EVC2: variants seen among roughly 807,000 people sequenced by gnomAD.
EVC2 encodes the protein limbin.
A neutral mutation model predicts 149.3 loss-of-function variants in EVC2; 148 were observed. The observed-to-expected ratio is 0.99, with a 90% CI of 0.87 to 1.14. The LOEUF is 1.14. Among genes scored for constraint, EVC2 ranks in the 50% most tolerant of loss-of-function variants. The pLI, the probability that EVC2 is intolerant of heterozygous loss-of-function variation, is 0.00. For synonymous variants in EVC2, 776 were observed against 649.9 expected, an observed-to-expected ratio of 1.19 and a Z score of -2.95; for missense variants, 1,854 against 1,627.3, an observed-to-expected ratio of 1.14 and a Z score of -2.40.
At chr4:5,628,820 CT>C in intron 11 of EVC2, 86 bp from the exon 12 acceptor site, 1 of 1,358,568 alleles carries the variant, frequency 7.4e-7, no homozygotes. Context: ...ATTATTTTTC[CT>C]TTTATAAGAA....
chr4:5,640,585 C>G lies in EVC2; in HGVS notation c.1399G>C (p.Glu467Gln). 6.2e-7 allele frequency: 1 copy of G among 1,614,140 alleles called. No homozygotes were observed. The highest frequency in any genetic ancestry group is 2.2e-5 in the East Asian group (1 of 44,872). ...ATCATCTCTCTCTGGTACTGGTTTT[C>G]CATCTTCTTTCTTGTTTCCAGGTCA... ...ECDLETRKKM[E>Q]NQYQREMMAM... Residue 467 changes from glutamate to glutamine, a missense_variant, in exon 10 of 22, where the codon GAA becomes CAA. By Grantham distance (29) the Glu-to-Gln change is conservative (BLOSUM62 2). Transcript: ENST00000344408. The surrounding 1 kb of genome is among the most constrained non-coding windows in gnomAD (Gnocchi z 4.6).
rs1715798345 is a variant in EVC2, at chr4:5,622,768, G to A, written c.2270C>T (p.Ser757Leu). 5 of 1,614,072 alleles carry A rather than the reference G, an allele frequency of 3.1e-6. No individual in the cohort carries two copies. Among genetic ancestry groups the A allele is most frequent in the Non-Finnish European group, 4.2e-6 (5 of 1,180,024 alleles). Residue 757 changes from serine to leucine, a missense_variant, in exon 14 of 22, where the codon TCA becomes TTA. Transcript: ENST00000344408. This position sits in a 1 kb window ranked among gnomAD's most constrained non-coding sequence, Gnocchi z 5.8. ...ATDELRRLQN[S>L]AMTQELLKRG... Reference sequence around the variant, plus strand: ...CTTGAGCAGCTCCTGGGTCATGGCTGAGTTCTGCAGGCGCCGCAGCTCGTC... The same window carrying A: ...CTTGAGCAGCTCCTGGGTCATGGCTAAGTTCTGCAGGCGCCGCAGCTCGTC...
rs1553836169 is a variant in EVC2 at position 5,628,735 on chromosome 4, C to T, written c.1711-1G>A. 15 of 1,586,298 alleles carry T rather than the reference C, an allele frequency of 9.5e-6. No homozygotes were observed. Among genetic ancestry groups the T allele is most frequent in the Non-Finnish European group, 1.3e-5 (15 of 1,175,934 alleles). On this transcript the variant is annotated splice_acceptor_variant, in intron 11 of 21. Coordinates refer to ENST00000344408, the MANE Select transcript of EVC2 (RefSeq NM_147127.5). LOFTEE classifies it high-confidence loss of function. ...AGTCCATTAACTCTTCTACATTCTC[C>T]TGTCAATTAAAAAAAAAAACAAGAA... is the stretch of plus-strand genomic sequence containing the variant.
At chr4:5,529,144 T>A in the EVC2 span, among the ~76,000 whole-genome samples, 1 of 152,178 alleles carries the variant, frequency 6.6e-6, no homozygotes, top group Non-Finnish European at 1.5e-5. The surrounding 1 kb of genome is among the most constrained non-coding windows in gnomAD (Gnocchi z 4.5). Context: ...CACACTCCTC[T>A]CAGCCATCCC....
chr4:5,649,015 G>A (rs993379146), intron 9 of EVC2, among the ~76,000 whole-genome samples: 1 of 152,284 alleles, frequency 6.6e-6, no homozygotes, highest in Admixed American at 6.5e-5. Flanking sequence ...ATGGCATTGT[G>A]CCATTTTTAA....
intron 16 of EVC2, among the ~76,000 whole-genome samples, chr4:5,588,604 T>C (rs1237880980): frequency 6.6e-6 from 1 of 152,188 alleles, no homozygotes. Flanking sequence ...TATTGCTATA[T>C]CTTCAAGCTA....
At chr4:5,612,694 G>A (rs566748319) in intron 16 of EVC2, among the ~76,000 whole-genome samples, 3 of 152,194 alleles carry the variant, frequency 2.0e-5, no homozygotes, top group East Asian at 3.9e-4. Context: ...AGGCCGAGGC[G>A]GGCGGATCAC....
intron 16 of EVC2, among the ~76,000 whole-genome samples, chr4:5,586,819 T>C (rs534571880): frequency 6.6e-6 from 1 of 152,318 alleles, no homozygotes; most frequent in African/African-American, 2.4e-5. Context: ...TGATGTCTCA[T>C]GCCTCCCGAA....
At chr4:5,583,551 T>G (rs1179057348) in intron 17 of EVC2, among the ~76,000 whole-genome samples, 1 of 151,714 alleles carries the variant, frequency 6.6e-6, no homozygotes, top group Non-Finnish European at 1.5e-5. Context: ...GTTATCAGAC[T>G]TTTTTTTTCT....
chr4:5,539,967 C>T (rs1405339555), downstream of EVC2, among the ~76,000 whole-genome samples: 2 of 152,096 alleles, frequency 1.3e-5, no homozygotes, highest in African/African-American at 4.8e-5. Context: ...GAAAATATTC[C>T]CAATCCATAT....
chr4:5,584,509 C>A (rs978131948), intron 17 of EVC2, 114 bp downstream of exon 17: 3 of 1,096,234 alleles, frequency 2.7e-6, no homozygotes, highest in South Asian at 1.3e-5. Flanking sequence ...CTCACCACAA[C>A]CCCACAGCAC....
chr4:5,562,375 G>A (rs974185352), downstream of EVC2: 18 of 897,466 alleles, frequency 2.0e-5, no homozygotes, highest in South Asian at 4.3e-5. The surrounding 1 kb of genome is among the most constrained non-coding windows in gnomAD (Gnocchi z 4.3). Flanking sequence ...GGAACAAAAC[G>A]TAAGACGTAA....
At chr4:5,570,611 G>A (rs1430396928) in intron 19 of EVC2, among the ~76,000 whole-genome samples, 1 of 152,164 alleles carries the variant, frequency 6.6e-6, no homozygotes, top group African/African-American at 2.4e-5. Context: ...ACTAAAAGTA[G>A]AATTACCATT....
chr4:5,630,576 A>G (rs983421908), intron 11 of EVC2, among the ~76,000 whole-genome samples: 1 of 152,202 alleles, frequency 6.6e-6, no homozygotes, highest in African/African-American at 2.4e-5. Context: ...ATTTTCATTT[A>G]TAAAGATAAA....
At chr4:5,693,169 G>C (rs370467879) in intron 3 of EVC2, among the ~76,000 whole-genome samples, 1 of 152,186 alleles carries the variant, frequency 6.6e-6, no homozygotes, top group African/African-American at 2.4e-5. Context: ...AGTATGGAGG[G>C]TGCTGCCCTG....
intron 7 of EVC2, among the ~76,000 whole-genome samples, chr4:5,676,872 T>G (rs993231439): frequency 6.6e-6 from 1 of 151,676 alleles, no homozygotes; most frequent in Non-Finnish European, 1.5e-5. Context: ...AGTGCCTCAG[T>G]GTGAGGGTGG....
chr4:5,631,948 C>A lies in EVC2; in HGVS notation c.1555G>T (p.Glu519Ter). ...CTGTGAGCTTTGGCAAAGTCTTCTT[C>A]TTGTTGCAAAGCGAGAGACTTCCTC... The part of the protein sequence containing the change: ...HLRKSLALQQ[E>*]EDFAKAHRQL... The change falls in exon 11 of 22, where the codon GAA (glutamate) becomes TAA (stop). Residue 519 changes from glutamate to a stop codon, truncating the protein, a stop_gained. Transcript: ENST00000344408. LOFTEE classifies it high-confidence loss of function. The A allele has an allele frequency of 6.2e-7, 1 of 1,614,188 alleles. No homozygotes were observed. Among genetic ancestry groups the A allele is most frequent in the African/African-American group, 1.3e-5 (1 of 75,062 alleles).
At chr4:5,641,709 A>G (rs1224798082) in intron 9 of EVC2, among the ~76,000 whole-genome samples, 10 of 152,222 alleles carry the variant, frequency 6.6e-5, no homozygotes, top group African/African-American at 2.4e-4. Context: ...GACAAATAAA[A>G]AAAGGATTCA....
At chr4:5,684,254 G>A (rs1025097434) in intron 6 of EVC2, among the ~76,000 whole-genome samples, 6 of 152,050 alleles carry the variant, frequency 3.9e-5, no homozygotes, top group Non-Finnish European at 5.9e-5. Context: ...CTTGAATCTT[G>A]TATTTAGCCT....
Sources: gnomAD v4.1 joint callset for allele counts (sites outside exome capture counted in the v4.1 genomes callset) on GRCh38, gnomAD v4.1.1 for gene constraint, Gnocchi (gnomAD v3.1) non-coding constraint, MANE v1.5 for transcripts, NCBI Gene and HGNC (gene_info 2026-07-23, HGNC 2026-07-21) for gene names.